The following PPID variants were observed in gnomAD, a reference collection of about 807,000 sequenced individuals.
PPID encodes the protein peptidyl-prolyl cis-trans isomerase D.
PPID carries 47 observed loss-of-function variants against 48.1 expected under a neutral mutation model. The observed-to-expected ratio is 0.98, with a 90% CI of 0.77 to 1.25. The LOEUF is 1.25. PPID is among the 50% of genes most tolerant of loss of function. PPID has a pLI of 0.00. For missense variants in PPID, 429 were observed against 443.5 expected (o/e 0.97, Z 0.29); for synonymous variants, 163 against 148.8 (o/e 1.10, Z -0.69).
rs776704632 is a variant in PPID at position 158,709,702 on chromosome 4, C to A, written c.*34G>T. On this transcript the variant is annotated 3_prime_UTR_variant, in exon 10 of 10. Coordinates refer to ENST00000307720, the MANE Select transcript of PPID (RefSeq NM_005038.3). ...TTTACATTTTCTTATTGCATTTATA[C>A]AATCAACACACAATAAGCAAAACTG... The A allele has an allele frequency of 2.8e-6, 4 of 1,451,576 alleles. No individual in the cohort carries two copies. The highest frequency in any genetic ancestry group is 3.8e-6 in the Non-Finnish European group (4 of 1,042,138). The allele number at this position is 1,451,576 out of a possible 1,614,324, so 89.9% of individuals were successfully genotyped here.
Position 158,709,266 on chromosome 4 carries a change from A to C in PPID, c.*470T>G, listed in dbSNP as rs561275274. The C allele has an allele frequency of 3.3e-5, 5 of 153,688 alleles. No homozygotes were observed. The highest frequency in any genetic ancestry group is 1.2e-4 in the African/African-American group (5 of 41,562). 9.5% of individuals were successfully genotyped at this position (153,688 alleles called of 1,614,324 possible). A position where few individuals can be genotyped will look rare whatever the true frequency, so the allele number is the denominator to read the frequency against. The stretch of plus-strand genomic sequence containing the variant: ...TACTTGGCCGGGCACGGTGGCTCAC[A>C]CCTGTAATCCCAGCACTTTGGGAGG... On this transcript the variant is annotated 3_prime_UTR_variant, in exon 10 of 10. Transcript: ENST00000307720.
chr4:158,721,108 G>A lies in PPID; in HGVS notation c.226+235C>T, dbSNP rs1371564648. 2.0e-5 allele frequency among the ~76,000 whole-genome samples: 3 copies of A among 152,204 alleles called. No homozygotes were observed. In the East Asian group the frequency reaches 5.8e-4, roughly 29 times the overall value. Reference sequence around the variant, plus strand: ...AATCAAATCATCTTAGAGTGAAGGAGAATGAGAGGATGGGTAAAGCTAGGG... The same window carrying A: ...AATCAAATCATCTTAGAGTGAAGGAAAATGAGAGGATGGGTAAAGCTAGGG... On this transcript the variant is annotated intron_variant, in intron 2 of 9. Transcript: ENST00000307720.
intron 2 of PPID, 22 bp from the exon 3 acceptor site, chr4:158,719,308 A>G (rs757881517): frequency 7.5e-6 from 11 of 1,470,702 alleles, no homozygotes; most frequent in Non-Finnish European, 1.0e-5. Context: ...GAAAATGGCT[A>G]TTAGTGACTG....
At position 158,717,166 on chromosome 4, in the gene PPID, G is replaced by C. The variant is rs1774886096; in HGVS notation, c.368C>G (p.Ala123Gly). 1 of 1,614,020 alleles carries C rather than the reference G, an allele frequency of 6.2e-7. No individual in the cohort carries two copies. Among genetic ancestry groups the C allele is most frequent in the Non-Finnish European group, 8.5e-7 (1 of 1,179,960 alleles). The change falls in exon 4 of 10, where the codon GCA (alanine) becomes GGA (glycine). Residue 123 changes from alanine to glycine, a missense_variant. Physicochemically the swap from Ala to Gly is moderately conservative, Grantham distance 60. Transcript: ENST00000307720. ...DREGLLSMANAGRNTNGSQFF... is the reference protein window; with the variant it reads ...DREGLLSMANGGRNTNGSQFF... ...CTGAGAACCGTTTGTGTTGCGGCCT[G>C]CATTTGCCATGCTCAGTAAACCCTC...
At chr4:158,721,063 G>A (rs1023248192) in intron 2 of PPID, among the ~76,000 whole-genome samples, 2 of 152,202 alleles carry the variant, frequency 1.3e-5, no homozygotes, top group African/African-American at 2.4e-5. Context: ...AAGGTTGGTT[G>A]ACTACGGCCT....
At position 158,710,749 on chromosome 4, in the gene PPID, G is replaced by A; in HGVS notation, c.981+13C>T. The A allele has an allele frequency of 1.2e-6, 2 of 1,612,112 alleles. No individual in the cohort carries two copies. The highest frequency in any genetic ancestry group is 1.7e-6 in the Non-Finnish European group (2 of 1,178,510). On this transcript the variant is annotated intron_variant, in intron 8 of 9. Coordinates refer to ENST00000307720, the MANE Select transcript of PPID (RefSeq NM_005038.3). ...TCTATTTTAAAAAATTAAACATTTG[G>A]AACAAAATTTACCAATGCTTGATCA...
At chr4:158,711,708 A>G (rs1025779928) in intron 7 of PPID, among the ~76,000 whole-genome samples, 3 of 152,164 alleles carry the variant, frequency 2.0e-5, no homozygotes, top group Admixed American at 2.0e-4. Context: ...GCTCTTAACT[A>G]TAATACCAGC....
rs185821910 is a variant in PPID, at chr4:158,719,042, T to C, written c.333+138A>G. 7.9e-4 allele frequency: 458 copies of C among 579,718 alleles called. 2 individuals are homozygous for C. The African/African-American group carries it at 8.0e-3, about 10-fold the overall frequency. 35.9% of individuals were successfully genotyped at this position (579,718 alleles called of 1,614,324 possible). A position where few individuals can be genotyped will look rare whatever the true frequency, so the allele number is the denominator to read the frequency against. On this transcript the variant is annotated intron_variant, in intron 3 of 9. Coordinates refer to ENST00000307720, the MANE Select transcript of PPID (RefSeq NM_005038.3). ...ACTTTTCCATATTAAAGAACCATTA[T>C]TTACAAAAGTGATTCCTATTACAAG...
At chr4:158,720,138 A>C (rs1047840013) in intron 2 of PPID, among the ~76,000 whole-genome samples, 1 of 152,206 alleles carries the variant, frequency 6.6e-6, no homozygotes, top group Admixed American at 6.5e-5. Context: ...AAGAGAGCAC[A>C]CATTCATGTT....
intron 4 of PPID, among the ~76,000 whole-genome samples, chr4:158,715,959 TC>T (rs1162066518): frequency 6.6e-6 from 1 of 152,208 alleles, no homozygotes; most frequent in Non-Finnish European, 1.5e-5. Context: ...GGCATGAGCT[TC>T]CGGTTTACTA....
intron 6 of PPID, 72 bp downstream of exon 6, chr4:158,715,225 G>C (rs879114804): frequency 8.2e-7 from 1 of 1,221,118 alleles, no homozygotes; most frequent in Non-Finnish European, 1.1e-6. Context: ...AAAATATAAT[G>C]AGCAATTCTT....
rs201748429 is a variant in PPID, at chr4:158,715,639, C to T, written c.568G>A (p.Gly190Arg). ...ECGELKEGDD[G>R]GIFPKDGSGD... ...GAGCCATCTTTTGGGAATATTCCCCCGTCATCTCCTTCCTTCAATTCTCCA... is the reference window on the plus strand; with the variant it reads ...GAGCCATCTTTTGGGAATATTCCCCTGTCATCTCCTTCCTTCAATTCTCCA... The change falls in exon 5 of 10, where the codon GGG becomes AGG. Residue 190 changes from glycine to arginine, a missense_variant. Gly to Arg is a moderately radical substitution (Grantham distance 125). Coordinates refer to ENST00000307720, the MANE Select transcript of PPID (RefSeq NM_005038.3). The T allele has an allele frequency of 4.3e-6, 7 of 1,610,782 alleles. No homozygotes were observed. The highest frequency in any genetic ancestry group is 2.2e-5 in the East Asian group (1 of 44,864).
rs758192995 is a variant in PPID, at chr4:158,713,118, C to T, written c.894+1G>A. On this transcript the variant is annotated splice_donor_variant, in intron 7 of 9. Transcript: ENST00000307720. LOFTEE classifies it high-confidence loss of function. ...AAAAGTTCAAAATCAAACAGACTTA[C>T]CTCTAAACAACTGTCAATTGCTCCC... 6.2e-7 allele frequency: 1 copy of T among 1,613,924 alleles called. No homozygotes were observed. Among genetic ancestry groups the T allele is most frequent in the African/African-American group, 1.3e-5 (1 of 75,046 alleles).
At chr4:158,716,755 T>G (rs1207662036) in intron 4 of PPID, among the ~76,000 whole-genome samples, 1 of 152,038 alleles carries the variant, frequency 6.6e-6, no homozygotes, top group African/African-American at 2.4e-5. Context: ...GTCAGGAGTT[T>G]GAGACCAGCC....
At chr4:158,710,485 A>G (rs916665910) in intron 9 of PPID, 143 bp downstream of exon 9, 13 of 813,510 alleles carry the variant, frequency 1.6e-5, no homozygotes, top group Non-Finnish European at 2.5e-5. Flanking sequence ...GTTCATTGCT[A>G]TATGATAATG....
chr4:158,718,930 C>T (rs1436032896), intron 3 of PPID, among the ~76,000 whole-genome samples: 1 of 152,098 alleles, frequency 6.6e-6, no homozygotes, highest in African/African-American at 2.4e-5. Flanking sequence ...AGATGCTGGT[C>T]GCATTTAAAA....
chr4:158,722,408 A>G (rs1774977355), intron 1 of PPID, among the ~76,000 whole-genome samples: 1 of 152,254 alleles, frequency 6.6e-6, no homozygotes, highest in Non-Finnish European at 1.5e-5. Flanking sequence ...CAAAAGCTGT[A>G]AAAATTCCTC....
rs1774989808 is a variant in PPID, at chr4:158,723,080, C to T, written c.85+124G>A. 2.0e-5 allele frequency: 19 copies of T among 965,744 alleles called. 1 individual carries two copies. The highest frequency in any genetic ancestry group is 8.6e-5 in the South Asian group (6 of 69,960). The allele number at this position is 965,744 out of a possible 1,614,324, so 59.8% of individuals were successfully genotyped here. A position where few individuals can be genotyped will look rare whatever the true frequency, so the allele number is the denominator to read the frequency against. On this transcript the variant is annotated intron_variant, in intron 1 of 9. Transcript: ENST00000307720. Reference sequence around the variant, plus strand: ...GCCTGCTCCGGCGGACCAGCCTAGGCAGCCATCCCCTCCGCGAAACTGAGC... The same window carrying T: ...GCCTGCTCCGGCGGACCAGCCTAGGTAGCCATCCCCTCCGCGAAACTGAGC...
At position 158,709,781 on chromosome 4, in the gene PPID, T is replaced by C. The variant is rs781290716; in HGVS notation, c.1068A>G (p.Ala356=). The C allele has an allele frequency of 6.2e-7, 1 of 1,612,212 alleles. No individual in the cohort carries two copies. The highest frequency in any genetic ancestry group is 8.5e-7 in the Non-Finnish European group (1 of 1,179,042). ...ELLKVKQKIK[A]QKDKEKAVYA... ...ATACTGCCTTCTCTTTATCTTTCTGTGCCTTTATCTTTTGTTTGACTTTCA... is the reference window on the plus strand; with the variant it reads ...ATACTGCCTTCTCTTTATCTTTCTGCGCCTTTATCTTTTGTTTGACTTTCA... Residue 356 remains alanine, a synonymous_variant, in exon 10 of 10, where the codon GCA becomes GCG. Coordinates refer to ENST00000307720, the MANE Select transcript of PPID (RefSeq NM_005038.3).
Sources: gnomAD v4.1 joint callset for allele counts (sites outside exome capture counted in the v4.1 genomes callset) on GRCh38, gnomAD v4.1.1 for gene constraint, MANE v1.5 for transcripts, NCBI Gene and HGNC (gene_info 2026-07-23, HGNC 2026-07-21) for gene names.